Variants in NFILZ observed in about 807,000 individuals in gnomAD.
NFILZ encodes NFIL3 like protein.
At chr19:8,647,813 A>G (rs1555747311) in intron 3 of NFILZ, among the ~76,000 whole-genome samples, 2 of 142,598 alleles carry the variant, frequency 1.4e-5, no homozygotes, top group Admixed American at 6.9e-5. Flanking sequence ...ACACACACAC[A>G]CACACACACA....
chr19:8,667,579 G>T (rs2043068064), intron 3 of NFILZ, among the ~76,000 whole-genome samples: 1 of 151,814 alleles, frequency 6.6e-6, no homozygotes, highest in Non-Finnish European at 1.5e-5. Flanking sequence ...ATGGAGTCTC[G>T]CTCTGTTGCT....
chr19:8,653,006 TC>T (rs2042973783), intron 3 of NFILZ, among the ~76,000 whole-genome samples: 5 of 28,704 alleles, frequency 1.7e-4, no homozygotes, highest in East Asian at 9.5e-4. Context: ...CTTCCTTCCT[TC>T]CTTCCTTTCT....
chr19:8,654,901 C>T (rs554670536), intron 3 of NFILZ, among the ~76,000 whole-genome samples: 2 of 152,276 alleles, frequency 1.3e-5, no homozygotes, highest in African/African-American at 4.8e-5. Flanking sequence ...GGAGTCCAGT[C>T]AACCCCGCAG....
At chr19:8,665,995 T>C (rs949117007) in intron 3 of NFILZ, among the ~76,000 whole-genome samples, 1 of 152,092 alleles carries the variant, frequency 6.6e-6, no homozygotes, top group African/African-American at 2.4e-5. Context: ...TGGAGGAATT[T>C]GTGAGGCAGC....
rs142078443 is a variant in NFILZ at position 8,667,001 on chromosome 19, C to T, written c.-163-7550C>T. On this transcript the variant is annotated intron_variant, in intron 3 of 5. Transcript: ENST00000691075. ...CTAAGTTCAACTGTTCCTCCTGCCT[C>T]GGCCTCCCAAAGTGTTGGCATTACA... 4.0e-3 allele frequency among the ~76,000 whole-genome samples: 602 copies of T among 151,258 alleles called. 8 individuals are homozygous for T. Among genetic ancestry groups the T allele is most frequent in the African/African-American group, 0.013 (522 of 41,142 alleles).
In NFILZ at chr19:8,678,089, CATT is replaced by C. The variant is rs2043122713; in HGVS notation, c.*455_*457del. Among the ~76,000 whole-genome samples, 1 of 55,616 alleles carries C rather than the reference CATT, an allele frequency of 1.8e-5. No homozygotes were observed. The highest frequency in any genetic ancestry group is 7.1e-5 in the African/African-American group (1 of 14,038). The allele number at this position is 55,616 out of a possible 152,430, so 36.5% of individuals were successfully genotyped here. A position where few individuals can be genotyped will look rare whatever the true frequency, so the allele number is the denominator to read the frequency against. ...TCATCCATCCATCAATCCATCCATC[CATT>C]CCATCCATCCATCCATCCATCCATC... On this transcript the variant is annotated 3_prime_UTR_variant, in exon 6 of 6. Transcript: ENST00000691075.
chr19:8,638,366 C>T (rs937175114), intron 3 of NFILZ: 3 of 152,212 alleles, frequency 2.0e-5, no homozygotes, highest in Non-Finnish European at 4.4e-5. Context: ...TGGGGGAAAA[C>T]CTCACACAGT....
intron 3 of NFILZ, among the ~76,000 whole-genome samples, chr19:8,671,441 C>T (rs892552502): frequency 2.0e-5 from 3 of 151,906 alleles, no homozygotes; most frequent in Non-Finnish European, 4.4e-5. Context: ...AAGCCACAGA[C>T]GGGAAGGACT....
At chr19:8,656,377 A>AAGCCCACCTTCTCCTGC (rs2042998239) in intron 3 of NFILZ, among the ~76,000 whole-genome samples, 3 of 87,064 alleles carry the variant, frequency 3.4e-5, no homozygotes, top group Non-Finnish European at 5.4e-5. Flanking sequence ...CTTCTCCCTG[A>AAGCCCACCTTCTCCTGC]AGCCCACCTT....
At chr19:8,667,192 G>A (rs1288312818) in intron 3 of NFILZ, among the ~76,000 whole-genome samples, 3 of 152,148 alleles carry the variant, frequency 2.0e-5, no homozygotes, top group African/African-American at 7.2e-5. Flanking sequence ...GAAAGAGGGA[G>A]GGGAAACCAC....
chr19:8,640,506 G>T (rs1190645494), intron 3 of NFILZ, among the ~76,000 whole-genome samples: 6 of 151,992 alleles, frequency 3.9e-5, no homozygotes. Flanking sequence ...GGGGCCAATG[G>T]CTGTGAGCAG....
At chr19:8,663,750 G>GTATGTGTGTGTGTGTGTGTA (rs1403759520) in intron 3 of NFILZ, among the ~76,000 whole-genome samples, 2 of 136,968 alleles carry the variant, frequency 1.5e-5, no homozygotes, top group African/African-American at 5.5e-5. Context: ...GTGTGTGTGT[G>GTATGTGTGTGTGTGTGTGTA]TGTGTGTGTG....
At chr19:8,658,781 T>C (rs766138429) in intron 3 of NFILZ, among the ~76,000 whole-genome samples, 1 of 152,126 alleles carries the variant, frequency 6.6e-6, no homozygotes, top group Non-Finnish European at 1.5e-5. Flanking sequence ...AGTGGCGTCA[T>C]GAAAGAAAGA....
chr19:8,668,471 C>T (rs1555750020), intron 3 of NFILZ, among the ~76,000 whole-genome samples: 1 of 152,108 alleles, frequency 6.6e-6, no homozygotes, highest in Non-Finnish European at 1.5e-5. Context: ...AGTTGTCATT[C>T]CTTCCTTTAT....
At chr19:8,662,518 G>A (rs2967725) in intron 3 of NFILZ, among the ~76,000 whole-genome samples, 11,431 of 152,138 alleles carry the variant, frequency 0.075, 673 homozygotes, top group East Asian at 0.32. Flanking sequence ...AGGCCCATGC[G>A]GCTGGAGTGG....
intron 3 of NFILZ, among the ~76,000 whole-genome samples, chr19:8,646,816 C>T (rs2042940919): frequency 6.6e-6 from 1 of 152,160 alleles, no homozygotes; most frequent in Non-Finnish European, 1.5e-5. Flanking sequence ...TGCTGCTCCT[C>T]CTAAACCAAG....
chr19:8,639,981 G>C (rs1307897205), intron 3 of NFILZ, among the ~76,000 whole-genome samples: 1 of 152,174 alleles, frequency 6.6e-6, no homozygotes, highest in Non-Finnish European at 1.5e-5. Context: ...TTGTATAACA[G>C]ATGTTACCCA....
chr19:8,639,474 G>A (rs529647289), intron 3 of NFILZ, among the ~76,000 whole-genome samples: 4 of 152,154 alleles, frequency 2.6e-5, no homozygotes, highest in African/African-American at 9.6e-5. Flanking sequence ...GCATGTGCCT[G>A]TAGTCCCAGC....
At chr19:8,656,479 CCG>C (rs2043002495) in intron 3 of NFILZ, among the ~76,000 whole-genome samples, 5 of 76,654 alleles carry the variant, frequency 6.5e-5, no homozygotes, top group South Asian at 4.1e-4. Context: ...CCACCTTCTC[CCG>C]CAGCCCACCT....
Sources: allele counts gnomAD v4.1 joint callset (sites outside exome capture counted in the v4.1 genomes callset), GRCh38; gene constraint gnomAD v4.1.1; transcripts MANE v1.5; gene names NCBI Gene and HGNC (gene_info 2026-07-23, HGNC 2026-07-21).